The following CAPZB variants were observed in gnomAD, a reference collection of about 807,000 sequenced individuals.
The protein encoded by CAPZB is capping actin protein of muscle Z-line subunit beta.
In CAPZB, 2 loss-of-function variants were observed where a neutral mutation model predicts 38.1. The ratio of observed to expected loss-of-function variants is 0.05; its 90% confidence interval spans 0.02 to 0.17. CAPZB has a LOEUF of 0.17. Among genes scored for constraint, CAPZB ranks in the 10% least tolerant of loss-of-function variants. The pLI, the probability that CAPZB is intolerant of heterozygous loss-of-function variation, is 1.00. For missense variants in CAPZB, 161 were observed against 334.2 expected (o/e 0.48, Z 4.04); for synonymous variants, 107 against 127.4 (o/e 0.84, Z 1.08).
intron 2 of CAPZB, among the ~76,000 whole-genome samples, chr1:19,396,109 G>A (rs954451664): frequency 2.0e-5 from 3 of 152,216 alleles, no homozygotes; most frequent in East Asian, 3.9e-4. Context: ...CCGTTGCCCC[G>A]CCTCTACTCC....
At chr1:19,439,439 G>C (rs965719327) in intron 1 of CAPZB, among the ~76,000 whole-genome samples, 3 of 152,152 alleles carry the variant, frequency 2.0e-5, no homozygotes, top group African/African-American at 7.2e-5. Flanking sequence ...AGTGGCCTTG[G>C]AGTCCCACTT....
At chr1:19,412,409 T>A (rs899715298) in intron 2 of CAPZB, among the ~76,000 whole-genome samples, 5 of 152,158 alleles carry the variant, frequency 3.3e-5, no homozygotes, top group African/African-American at 1.2e-4. Flanking sequence ...TGTTAAAATG[T>A]CTTGCATGTG....
chr1:19,415,937 A>G (rs978985027), intron 2 of CAPZB, among the ~76,000 whole-genome samples: 2 of 152,254 alleles, frequency 1.3e-5, no homozygotes, highest in African/African-American at 4.8e-5. Flanking sequence ...TCATACTTCA[A>G]TTAAAAAATT....
intron 6 of CAPZB, among the ~76,000 whole-genome samples, chr1:19,354,413 CT>C (rs2094009027): frequency 6.6e-6 from 1 of 152,192 alleles, no homozygotes; most frequent in Non-Finnish European, 1.5e-5. Context: ...TTAGATTTGT[CT>C]ACCTCATTGC....
At chr1:19,464,385 G>C (rs12022161) in intron 1 of CAPZB, among the ~76,000 whole-genome samples, 1 of 145,590 alleles carries the variant, frequency 6.9e-6, no homozygotes, top group South Asian at 2.2e-4. Flanking sequence ...TCCACCTCCC[G>C]GGTTCACGCC....
At chr1:19,392,906 C>T (rs760749403) in intron 2 of CAPZB, among the ~76,000 whole-genome samples, 4 of 152,242 alleles carry the variant, frequency 2.6e-5, no homozygotes, top group Admixed American at 6.5e-5. Context: ...TGCAAGCTGG[C>T]TGTCCTCGCC....
At chr1:19,425,245 A>C (rs960984364) in intron 1 of CAPZB, among the ~76,000 whole-genome samples, 5 of 152,176 alleles carry the variant, frequency 3.3e-5, no homozygotes, top group Admixed American at 2.6e-4. Flanking sequence ...TCCACCACCC[A>C]ATGGTGTGTT....
At chr1:19,411,252 A>G (rs1041937609) in intron 2 of CAPZB, among the ~76,000 whole-genome samples, 2 of 152,212 alleles carry the variant, frequency 1.3e-5, no homozygotes, top group African/African-American at 2.4e-5. Context: ...ATGTAATTGA[A>G]AAGTATTTTA....
intron 1 of CAPZB, among the ~76,000 whole-genome samples, chr1:19,464,513 C>T (rs1483917597): frequency 1.3e-5 from 2 of 151,840 alleles, no homozygotes; most frequent in Non-Finnish European, 2.9e-5. Context: ...AGGATGGTCT[C>T]GATCTCTTGA....
intron 1 of CAPZB, among the ~76,000 whole-genome samples, chr1:19,439,702 C>T (rs1446628513): frequency 6.6e-6 from 1 of 152,260 alleles, no homozygotes; most frequent in African/African-American, 2.4e-5. Flanking sequence ...AAGCAGCTTC[C>T]CTCCCGGCTG....
At chr1:19,465,980 C>A (rs1328391677) in intron 1 of CAPZB, among the ~76,000 whole-genome samples, 1 of 151,692 alleles carries the variant, frequency 6.6e-6, no homozygotes, top group Non-Finnish European at 1.5e-5. Context: ...GGAACCAGTC[C>A]CAGAGAGTTA....
At position 19,357,687 on chromosome 1, in the gene CAPZB, G is replaced by T; in HGVS notation, c.330-124C>A. On this transcript the variant is annotated intron_variant, in intron 4 of 8. Coordinates refer to ENST00000264202, the MANE Select transcript of CAPZB (RefSeq NM_004930.5). This position sits in a 1 kb window ranked among gnomAD's most constrained non-coding sequence, Gnocchi z 4.3. ...CCTCCCTGCGACAGTTATGGGAGCC[G>T]ATCCTTGGGTGTGTTCTGATCGTTC... 1.2e-6 allele frequency: 1 copy of T among 861,222 alleles called. No individual in the cohort carries two copies. The highest frequency in any genetic ancestry group is 1.8e-6 in the Non-Finnish European group (1 of 547,340). The allele number at this position is 861,222 out of a possible 1,614,324, so 53.3% of individuals were successfully genotyped here. A position where few individuals can be genotyped will look rare whatever the true frequency, so the allele number is the denominator to read the frequency against.
At position 19,425,076 on chromosome 1, in the gene CAPZB, T is replaced by C. The variant is rs145021580; in HGVS notation, c.4-5326A>G. 7.6e-4 allele frequency among the ~76,000 whole-genome samples: 116 copies of C among 152,312 alleles called. 1 individual carries two copies. In the East Asian group the frequency reaches 0.021, roughly 28 times the overall value. ...GATTTGTACTTCTTTGTGTCAATTA[T>C]TTTCCTAGGACTTCCCTCCCTCACA... On this transcript the variant is annotated intron_variant, in intron 1 of 8. Coordinates refer to ENST00000264202, the MANE Select transcript of CAPZB (RefSeq NM_004930.5).
chr1:19,344,564 T>C lies in CAPZB; in HGVS notation c.655-130A>G, dbSNP rs979996015. The C allele has an allele frequency of 8.3e-6, 6 of 726,162 alleles. No individual in the cohort carries two copies. In the African/African-American group the frequency reaches 1.0e-4, roughly 13 times the overall value. 45.0% of individuals were successfully genotyped at this position (726,162 alleles called of 1,614,324 possible). ...GGTGGCACACGCCTGCTCTGGGGCA[T>C]CAGTGAGCGCGCTCCAGGCTGCCAA... On this transcript the variant is annotated intron_variant, in intron 7 of 8. Transcript: ENST00000264202.
intron 1 of CAPZB, among the ~76,000 whole-genome samples, chr1:19,472,990 T>G (rs1029894191): frequency 6.6e-6 from 1 of 152,160 alleles, no homozygotes; most frequent in African/African-American, 2.4e-5. Context: ...GTGCTGGGAT[T>G]ACAGGTGTGA....
intron 1 of CAPZB, among the ~76,000 whole-genome samples, chr1:19,425,734 T>C (rs2094419932): frequency 6.6e-6 from 1 of 152,130 alleles, no homozygotes; most frequent in South Asian, 2.1e-4. Flanking sequence ...AACCCCACCA[T>C]CTAAATATCT....
rs1020633589 is a variant in CAPZB at position 19,357,018 on chromosome 1, C to G, written c.472-267G>C. On this transcript the variant is annotated intron_variant, in intron 5 of 8. Coordinates refer to ENST00000264202, the MANE Select transcript of CAPZB (RefSeq NM_004930.5). This position sits in a 1 kb window ranked among gnomAD's most constrained non-coding sequence, Gnocchi z 4.3. Reference sequence around the variant, plus strand: ...CTGGGATTATGGGCGCCCGCCACCACGCCTGGCTAATGTTTTTTGTGTTTT... The same window carrying G: ...CTGGGATTATGGGCGCCCGCCACCAGGCCTGGCTAATGTTTTTTGTGTTTT... Among the ~76,000 whole-genome samples the G allele has an allele frequency of 1.1e-4, 17 of 152,084 alleles. No homozygotes were observed. The highest frequency in any genetic ancestry group is 9.8e-4 in the Admixed American group (15 of 15,258).
chr1:19,385,708 T>C lies in CAPZB; in HGVS notation c.94-82A>G, dbSNP rs773844823. 37 of 1,558,248 alleles carry C rather than the reference T, an allele frequency of 2.4e-5. No homozygotes were observed. In the Admixed American group the frequency reaches 4.0e-4, roughly 17 times the overall value. On this transcript the variant is annotated intron_variant, in intron 2 of 8. Coordinates refer to ENST00000264202, the MANE Select transcript of CAPZB (RefSeq NM_004930.5). ...GGTGGCTAACAATACTGCAGCCATATTGTGGTCAGTACCTTTAACATCTGG... is the reference window on the plus strand; with the variant it reads ...GGTGGCTAACAATACTGCAGCCATACTGTGGTCAGTACCTTTAACATCTGG...
chr1:19,424,928 C>A (rs1266668556), intron 1 of CAPZB, among the ~76,000 whole-genome samples: 22 of 152,214 alleles, frequency 1.4e-4, no homozygotes, highest in Admixed American at 1.4e-3. Context: ...ACAAATGAGA[C>A]CCAGTCCCAA....
Sources: allele counts gnomAD v4.1 joint callset (sites outside exome capture counted in the v4.1 genomes callset), GRCh38; gene constraint gnomAD v4.1.1; non-coding constraint Gnocchi (gnomAD v3.1); transcripts MANE v1.5; gene names NCBI Gene and HGNC (gene_info 2026-07-23, HGNC 2026-07-21).